The following KCNQ1OT1 variants were observed in gnomAD, a reference collection of about 807,000 sequenced individuals.
The protein encoded by KCNQ1OT1 is KCNQ1 opposite strand/antisense transcript 1, also known as KCNQ1 antisense RNA 2 (non-protein coding).
rs1021534479 is a variant in KCNQ1OT1, at chr11:2,634,086, C to A, written n.65909G>T. 8 of 396,368 alleles carry A rather than the reference C, an allele frequency of 2.0e-5. No individual in the cohort carries two copies. The East Asian group carries it at 2.9e-4, about 14-fold the overall frequency. 24.6% of individuals were successfully genotyped at this position (396,368 alleles called of 1,614,324 possible). ...ATTTGTGGTCTTTTGTGGTTCCATG[C>A]AAGTTTAAGGATTGTGTTTTTGCTA... On this transcript the variant is annotated non_coding_transcript_exon_variant, in exon 1 of 1. Coordinates refer to ENST00000597346, the Ensembl canonical transcript of KCNQ1OT1.
chr11:2,666,050 C>G (rs1327230871), exon 1 of KCNQ1OT1: 1 of 398,540 alleles, frequency 2.5e-6, no homozygotes, highest in Non-Finnish European at 4.4e-6. Context: ...ATAGACGGCC[C>G]AAGAGGACAG....
rs564596244 is a variant in KCNQ1OT1, at chr11:2,658,589, C to T, written n.41406G>A. ...CATTCATCCAGAGAGCCCTGGCTCC[C>T]TGGAGAATGAATAGAAAACCTGGAT... On this transcript the variant is annotated non_coding_transcript_exon_variant, in exon 1 of 1. Transcript: ENST00000597346. The surrounding 1 kb of genome is among the most constrained non-coding windows in gnomAD (Gnocchi z 4.9). The T allele has an allele frequency of 1.0e-5, 4 of 398,370 alleles. No individual in the cohort carries two copies. Among genetic ancestry groups the T allele is most frequent in the Non-Finnish European group, 1.8e-5 (4 of 226,028 alleles). The allele number at this position is 398,370 out of a possible 1,614,324, so 24.7% of individuals were successfully genotyped here.
rs1403929202 is a variant in KCNQ1OT1, at chr11:2,676,494, T to C, written n.23501A>G. The C allele has an allele frequency of 1.8e-5, 7 of 398,686 alleles. No individual in the cohort carries two copies. Among genetic ancestry groups the C allele is most frequent in the Non-Finnish European group, 3.1e-5 (7 of 226,092 alleles). The allele number at this position is 398,686 out of a possible 1,614,324, so 24.7% of individuals were successfully genotyped here. On this transcript the variant is annotated non_coding_transcript_exon_variant, in exon 1 of 1. Coordinates refer to ENST00000597346, the Ensembl canonical transcript of KCNQ1OT1. This position sits in a 1 kb window ranked among gnomAD's most constrained non-coding sequence, Gnocchi z 4.2. ...TGTAGTCTTTCTGGCATCAGTTCCA[T>C]TTCTGGTGAACACTTGGACTTGGCA...
exon 1 of KCNQ1OT1, chr11:2,665,593 AC>A (rs1564850821): frequency 5.1e-6 from 2 of 389,272 alleles, no homozygotes; most frequent in South Asian, 2.7e-4. Flanking sequence ...TGCTCAGTAA[AC>A]CCCCCAGGAC....
At chr11:2,641,636 T>A (rs954755184) in exon 1 of KCNQ1OT1, 9 of 398,380 alleles carry the variant, frequency 2.3e-5, no homozygotes, top group Non-Finnish European at 3.5e-5. Context: ...AGCTTTATCA[T>A]TTAATATAGT....
exon 1 of KCNQ1OT1, chr11:2,631,435 T>C (rs1274312795): frequency 1.3e-5 from 5 of 398,470 alleles, no homozygotes; most frequent in Non-Finnish European, 2.2e-5. Flanking sequence ...TGTTTTTTTT[T>C]TAGGATTTCT....
exon 1 of KCNQ1OT1, chr11:2,618,404 C>G (rs1849104869): frequency 2.5e-6 from 1 of 398,520 alleles, no homozygotes; most frequent in Non-Finnish European, 4.4e-6. Context: ...GTCTGTGGGC[C>G]ATGGGTTGGA....
exon 1 of KCNQ1OT1, chr11:2,631,303 T>C (rs929156502): frequency 5.0e-6 from 2 of 398,458 alleles, no homozygotes; most frequent in African/African-American, 4.1e-5. Flanking sequence ...CCTCTACTGG[T>C]TATTTTCAAA....
chr11:2,691,047 G>C lies in KCNQ1OT1; in HGVS notation n.8948C>G. On this transcript the variant is annotated non_coding_transcript_exon_variant, in exon 1 of 1. Transcript: ENST00000597346. The surrounding 1 kb of genome is among the most constrained non-coding windows in gnomAD (Gnocchi z 6.4). ...TTGGCTCAGGTATCAGGATATGCTG[G>C]GTGAGGGAAATAATGGAGGCACCTT... 5.0e-6 allele frequency: 2 copies of C among 398,646 alleles called. No homozygotes were observed. Among genetic ancestry groups the C allele is most frequent in the Non-Finnish European group, 8.8e-6 (2 of 226,088 alleles). The allele number at this position is 398,646 out of a possible 1,614,324, so 24.7% of individuals were successfully genotyped here.
rs1850443255 is a variant in KCNQ1OT1, at chr11:2,683,987, T to C, written n.16008A>G. The C allele has an allele frequency of 5.0e-6, 2 of 398,082 alleles. No individual in the cohort carries two copies. 24.7% of individuals were successfully genotyped at this position (398,082 alleles called of 1,614,324 possible). ...TTTTTTTTTTTTTCATTTAGAAGAA[T>C]TTCCTTGGCAACTCCGTCTCTCCTT... On this transcript the variant is annotated non_coding_transcript_exon_variant, in exon 1 of 1. Coordinates refer to ENST00000597346, the Ensembl canonical transcript of KCNQ1OT1. This position sits in a 1 kb window ranked among gnomAD's most constrained non-coding sequence, Gnocchi z 4.7.
rs1270603505 is a variant in KCNQ1OT1 at position 2,642,710 on chromosome 11, A to T, written n.57285T>A. The T allele has an allele frequency of 5.0e-6, 2 of 397,416 alleles. No homozygotes were observed. Among genetic ancestry groups the T allele is most frequent in the East Asian group, 3.6e-5 (1 of 27,936 alleles). The allele number at this position is 397,416 out of a possible 1,614,324, so 24.6% of individuals were successfully genotyped here. On this transcript the variant is annotated non_coding_transcript_exon_variant, in exon 1 of 1. Transcript: ENST00000597346. This position sits in a 1 kb window ranked among gnomAD's most constrained non-coding sequence, Gnocchi z 4.3. ...CTTTCCTTCTACTAATTTTATGTTT[A>T]GTATGGTTTGTTCTTGCTTTTCTGG...
chr11:2,653,596 A>G lies in KCNQ1OT1; in HGVS notation n.46399T>C, dbSNP rs912440968. 2 of 398,148 alleles carry G rather than the reference A, an allele frequency of 5.0e-6. No homozygotes were observed. Among genetic ancestry groups the G allele is most frequent in the African/African-American group, 4.1e-5 (2 of 48,444 alleles). The allele number at this position is 398,148 out of a possible 1,614,324, so 24.7% of individuals were successfully genotyped here. A position where few individuals can be genotyped will look rare whatever the true frequency, so the allele number is the denominator to read the frequency against. On this transcript the variant is annotated non_coding_transcript_exon_variant, in exon 1 of 1. Coordinates refer to ENST00000597346, the Ensembl canonical transcript of KCNQ1OT1. The surrounding 1 kb of genome is among the most constrained non-coding windows in gnomAD (Gnocchi z 5.3). Reference sequence around the variant, plus strand: ...TTGTTCTCCCTTTCCCTTGCTCTCTATCCATTGGCCCCATGGGATGGCTGT... The same window carrying G: ...TTGTTCTCCCTTTCCCTTGCTCTCTGTCCATTGGCCCCATGGGATGGCTGT...
chr11:2,671,063 G>A lies in KCNQ1OT1; in HGVS notation n.28932C>T. On this transcript the variant is annotated non_coding_transcript_exon_variant, in exon 1 of 1. Transcript: ENST00000597346. The surrounding 1 kb of genome is among the most constrained non-coding windows in gnomAD (Gnocchi z 4.7). ...GGCTGTATCTGAGGCACACATCCTT[G>A]GTAGTGACTGGCTAGCAGGAGGAAG... 1 of 398,674 alleles carries A rather than the reference G, an allele frequency of 2.5e-6. No homozygotes were observed. Among genetic ancestry groups the A allele is most frequent in the South Asian group, 1.3e-4 (1 of 7,848 alleles). 24.7% of individuals were successfully genotyped at this position (398,674 alleles called of 1,614,324 possible). A position where few individuals can be genotyped will look rare whatever the true frequency, so the allele number is the denominator to read the frequency against.
chr11:2,667,210 C>T, exon 1 of KCNQ1OT1: 1 of 398,780 alleles, frequency 2.5e-6, no homozygotes, highest in South Asian at 1.3e-4. Flanking sequence ...CCCGTGGCCC[C>T]CTAACCTTTC....
chr11:2,635,976 T>A (rs1849457880), exon 1 of KCNQ1OT1: 2 of 152,200 alleles, frequency 1.3e-5, no homozygotes, highest in South Asian at 4.1e-4. Context: ...ATGATTTGGC[T>A]CTCTGTTTGT....
rs1850253059 is a variant in KCNQ1OT1, at chr11:2,674,419, G to GCACA, written n.25572_25575dup. 1 of 159,984 alleles carries GCACA rather than the reference G, an allele frequency of 6.3e-6. No individual in the cohort carries two copies. Among genetic ancestry groups the GCACA allele is most frequent in the Non-Finnish European group, 1.3e-5 (1 of 75,312 alleles). 9.9% of individuals were successfully genotyped at this position (159,984 alleles called of 1,614,324 possible). A position where few individuals can be genotyped will look rare whatever the true frequency, so the allele number is the denominator to read the frequency against. ...TGCGTGTGTGTGTGCGCGCCCGCGC[G>GCACA]CACACGACCACAGAGGCTGGGGGGA... On this transcript the variant is annotated non_coding_transcript_exon_variant, in exon 1 of 1. Coordinates refer to ENST00000597346, the Ensembl canonical transcript of KCNQ1OT1. This position sits in a 1 kb window ranked among gnomAD's most constrained non-coding sequence, Gnocchi z 5.9.
In KCNQ1OT1 at chr11:2,674,702, G is replaced by A; in HGVS notation, n.25293C>T. The A allele has an allele frequency of 2.5e-6, 1 of 398,444 alleles. No homozygotes were observed. Among genetic ancestry groups the A allele is most frequent in the Non-Finnish European group, 4.4e-6 (1 of 226,042 alleles). The allele number at this position is 398,444 out of a possible 1,614,324, so 24.7% of individuals were successfully genotyped here. ...GTTTGTTGAACCTTAAACCTTTCCT[G>A]ATGACTCCTTCCTTCTGAACTTAAC... On this transcript the variant is annotated non_coding_transcript_exon_variant, in exon 1 of 1. Transcript: ENST00000597346. This position sits in a 1 kb window ranked among gnomAD's most constrained non-coding sequence, Gnocchi z 5.9.
chr11:2,643,661 A>G (rs1849615359), exon 1 of KCNQ1OT1: 1 of 398,308 alleles, frequency 2.5e-6, no homozygotes, highest in Non-Finnish European at 4.4e-6. Flanking sequence ...GTTATTGTTG[A>G]TATGTGAGGG....
exon 1 of KCNQ1OT1, chr11:2,672,373 A>G (rs1326614878): frequency 7.5e-6 from 3 of 398,372 alleles, no homozygotes; most frequent in Non-Finnish European, 1.3e-5. Flanking sequence ...TCACAGGCTG[A>G]TATGATTGAG....
Sources: allele counts gnomAD v4.1 joint callset, GRCh38; gene constraint gnomAD v4.1.1; non-coding constraint Gnocchi (gnomAD v3.1); transcripts MANE v1.5; gene names NCBI Gene and HGNC (gene_info 2026-07-23, HGNC 2026-07-21).